CLIC5: variants seen among roughly 807,000 people sequenced by gnomAD.
CLIC5 encodes chloride intracellular channel protein 5.
In CLIC5, 20 loss-of-function variants were observed where a neutral mutation model predicts 24.7. The observed-to-expected ratio is 0.81, with a 90% confidence interval of 0.57 to 1.18. The LOEUF is 1.18. CLIC5 is among the 50% of genes most tolerant of loss of function. The probability of loss-of-function intolerance (pLI) is 0.00; values close to 1 mark genes in which losing one functional copy is unlikely to be tolerated. For missense variants in CLIC5, 341 were observed against 326.1 expected, an observed-to-expected ratio of 1.05 and a Z score of -0.35; for synonymous variants, 159 against 135.6, an observed-to-expected ratio of 1.17 and a Z score of -1.20.
intron 4 of CLIC5, among the ~76,000 whole-genome samples, chr6:45,941,176 A>T (rs1561950729): frequency 6.6e-6 from 1 of 152,216 alleles, no homozygotes; most frequent in Non-Finnish European, 1.5e-5. Context: ...AAGCGGGAAT[A>T]TGTTGCTCTA....
At chr6:45,997,919 CA>C (rs1766210422) in intron 1 of CLIC5, among the ~76,000 whole-genome samples, 1 of 152,234 alleles carries the variant, frequency 6.6e-6, no homozygotes, top group Non-Finnish European at 1.5e-5. Context: ...CCAGCAGGCC[CA>C]GGAATGTGGT....
rs1469945760 is a variant in CLIC5 at position 45,898,576 on chromosome 6, CA to C, written c.*4511del. On this transcript the variant is annotated 3_prime_UTR_variant, in exon 6 of 6. Coordinates refer to ENST00000339561, the MANE Select transcript of CLIC5 (RefSeq NM_016929.5). ...ACTCAGCTGTATCTTCATTAAAAGG[CA>C]TTTTACATTTATTAAGGCTTGAAAG... is the stretch of plus-strand genomic sequence containing the variant. The C allele has an allele frequency of 1.3e-5, 2 of 152,626 alleles. No homozygotes were observed. The highest frequency in any genetic ancestry group is 1.5e-5 in the Non-Finnish European group (1 of 68,044). 9.5% of individuals were successfully genotyped at this position (152,626 alleles called of 1,614,324 possible).
intron 1 of CLIC5, among the ~76,000 whole-genome samples, chr6:46,064,310 A>C (rs1417148759): frequency 1.3e-5 from 2 of 152,174 alleles, no homozygotes; most frequent in Non-Finnish European, 2.9e-5. Context: ...CTTCCCACCA[A>C]GAAATCTCTA....
At chr6:46,074,799 C>CCATA (rs1337850241) in intron 1 of CLIC5, among the ~76,000 whole-genome samples, 3 of 152,118 alleles carry the variant, frequency 2.0e-5, no homozygotes, top group Non-Finnish European at 4.4e-5. Context: ...GGAGTTGGAG[C>CCATA]CATACACCTT....
chr6:45,928,795 T>TGTGTGTGTGTAG (rs200432038), intron 4 of CLIC5, among the ~76,000 whole-genome samples: 2 of 148,366 alleles, frequency 1.3e-5, no homozygotes, highest in African/African-American at 5.0e-5. Context: ...TGTGTGTGTG[T>TGTGTGTGTGTAG]AGAGAGAGAG....
At chr6:46,104,318 A>G in the CLIC5 span, among the ~76,000 whole-genome samples, 1 of 152,096 alleles carries the variant, frequency 6.6e-6, no homozygotes, top group Non-Finnish European at 1.5e-5. Context: ...TGTCTCCACC[A>G]TCTGGGGGGC....
chr6:46,072,512 T>C (rs1762636731), intron 1 of CLIC5, among the ~76,000 whole-genome samples: 1 of 152,178 alleles, frequency 6.6e-6, no homozygotes, highest in Non-Finnish European at 1.5e-5. Context: ...ATGGGATTAG[T>C]AGTGCATGCA....
the CLIC5 span, among the ~76,000 whole-genome samples, chr6:46,108,699 A>G: frequency 6.6e-6 from 1 of 151,982 alleles, no homozygotes; most frequent in Non-Finnish European, 1.5e-5. Context: ...CACCTTGCCT[A>G]TCAGGTCTTT....
rs1764863886 is a variant in CLIC5 at position 45,962,069 on chromosome 6, CA to C, written c.64-6826del. Among the ~76,000 whole-genome samples, 4 of 139,386 alleles carry C rather than the reference CA, an allele frequency of 2.9e-5. No homozygotes were observed. The South Asian group carries it at 9.4e-4, about 33-fold the overall frequency. The allele number at this position is 139,386 out of a possible 152,430, so 91.4% of individuals were successfully genotyped here. On this transcript the variant is annotated intron_variant, in intron 1 of 5. Coordinates refer to ENST00000339561, the MANE Select transcript of CLIC5 (RefSeq NM_016929.5). Reference sequence around the variant, plus strand: ...ACATACACATATATGTACATACACACACACACACACACACACACACACACAT... The same window carrying C: ...ACATACACATATATGTACATACACACCACACACACACACACACACACACAT...
chr6:46,001,380 G>A (rs996700981), intron 1 of CLIC5, among the ~76,000 whole-genome samples: 1 of 152,120 alleles, frequency 6.6e-6, no homozygotes, highest in Non-Finnish European at 1.5e-5. Context: ...GAGCTTAGCT[G>A]GGCCTCTCCC....
chr6:45,937,164 A>G (rs1370634241), intron 4 of CLIC5, among the ~76,000 whole-genome samples: 1 of 152,214 alleles, frequency 6.6e-6, no homozygotes, highest in East Asian at 1.9e-4. Flanking sequence ...AAAGTTTAAA[A>G]AGTAGAAAAT....
chr6:46,081,190 G>A (rs113611326), upstream of CLIC5, among the ~76,000 whole-genome samples: 9 of 152,200 alleles, frequency 5.9e-5, no homozygotes, highest in Admixed American at 1.3e-4. Context: ...GCACAAGGCT[G>A]TTCAGTCAAT....
intron 1 of CLIC5, among the ~76,000 whole-genome samples, chr6:45,992,760 T>C (rs1765987722): frequency 6.6e-6 from 1 of 152,236 alleles, no homozygotes; most frequent in African/African-American, 2.4e-5. Context: ...ATAGACTTAA[T>C]ACCACAGATA....
chr6:45,999,963 G>T lies in CLIC5; in HGVS notation c.63+15517C>A, dbSNP rs556391661. On this transcript the variant is annotated intron_variant, in intron 1 of 5. Coordinates refer to ENST00000339561, the MANE Select transcript of CLIC5 (RefSeq NM_016929.5). ...GACGGGGTTTCACCTTGTTAGCCAG[G>T]ATGGTCTCGATCTCCTGACCTCATG... Among the ~76,000 whole-genome samples, 8 of 31,128 alleles carry T rather than the reference G, an allele frequency of 2.6e-4. 2 individuals are homozygous for T. Among genetic ancestry groups the T allele is most frequent in the African/African-American group, 1.1e-3 (8 of 6,994 alleles). The allele number at this position is 31,128 out of a possible 152,430, so 20.4% of individuals were successfully genotyped here. A position where few individuals can be genotyped will look rare whatever the true frequency, so the allele number is the denominator to read the frequency against.
At chr6:45,939,614 C>T (rs150197285) in intron 4 of CLIC5, among the ~76,000 whole-genome samples, 4 of 152,170 alleles carry the variant, frequency 2.6e-5, no homozygotes, top group African/African-American at 9.6e-5. Context: ...AATGAGGTCA[C>T]GTTCTGAGAT....
At chr6:45,881,981 A>G (rs926713016) in intron 6 of CLIC5, among the ~76,000 whole-genome samples, 5 of 276 alleles carry the variant, frequency 0.018, no homozygotes, top group Non-Finnish European at 0.064. Flanking sequence ...ACTTCCTTTA[A>G]AAAAAAAAAA....
intron 1 of CLIC5, among the ~76,000 whole-genome samples, chr6:45,988,450 A>C (rs1006815197): frequency 1.3e-5 from 2 of 152,162 alleles, no homozygotes; most frequent in African/African-American, 4.8e-5. Context: ...TGTTAAGCTC[A>C]CAGATACACT....
rs1766979786 is a variant in CLIC5, at chr6:46,015,717, G to A, written c.-175C>T. 2.4e-6 allele frequency: 3 copies of A among 1,263,002 alleles called. No homozygotes were observed. Among genetic ancestry groups the A allele is most frequent in the Non-Finnish European group, 3.0e-6 (3 of 1,003,102 alleles). The allele number at this position is 1,263,002 out of a possible 1,614,324, so 78.2% of individuals were successfully genotyped here. ...GAGCAGCGGGGTCTGAGAGATCAGTGTCCCAGATGCTCACATGAAAAGGAG... is the reference window on the plus strand; with the variant it reads ...GAGCAGCGGGGTCTGAGAGATCAGTATCCCAGATGCTCACATGAAAAGGAG... On this transcript the variant is annotated 5_prime_UTR_variant, in exon 1 of 6. Coordinates refer to ENST00000339561, the MANE Select transcript of CLIC5 (RefSeq NM_016929.5).
At chr6:45,944,942 C>T (rs1457491158) in intron 3 of CLIC5, among the ~76,000 whole-genome samples, 3 of 152,178 alleles carry the variant, frequency 2.0e-5, no homozygotes, top group Non-Finnish European at 4.4e-5. Flanking sequence ...ACCCCTCACA[C>T]GTGAAGGACG....
Sources: gnomAD v4.1 joint callset for allele counts (sites outside exome capture counted in the v4.1 genomes callset) on GRCh38, gnomAD v4.1.1 for gene constraint, MANE v1.5 for transcripts, NCBI Gene and HGNC (gene_info 2026-07-23, HGNC 2026-07-21) for gene names.